The following ATP2A3 variants were observed in gnomAD, a reference collection of about 807,000 sequenced individuals.
ATP2A3 encodes ATPase sarcoplasmic/endoplasmic reticulum Ca2+ transporting 3, also known as sarcoplasmic/endoplasmic reticulum calcium ATPase 3.
ATP2A3 carries 61 observed loss-of-function variants against 106.8 expected under a neutral mutation model. The ratio of observed to expected loss-of-function variants is 0.57; its 90% CI spans 0.46 to 0.71. ATP2A3 has a LOEUF of 0.71. Ranked by LOEUF, ATP2A3 falls within the 30% of genes least tolerant of loss-of-function variation. ATP2A3 has a pLI of 0.00. For missense variants in ATP2A3, 1,201 were observed against 1,423.5 expected (o/e 0.84, Z 2.52); for synonymous variants, 611 against 609.3 (o/e 1.00, Z -0.04).
chr17:3,936,697 T>C lies in ATP2A3; in HGVS notation c.2322-228A>G. 1.7e-6 allele frequency: 1 copy of C among 581,164 alleles called. No homozygotes were observed. Among genetic ancestry groups the C allele is most frequent in the South Asian group, 1.9e-5 (1 of 52,550 alleles). The allele number at this position is 581,164 out of a possible 1,614,324, so 36.0% of individuals were successfully genotyped here. The stretch of plus-strand genomic sequence containing the variant: ...AGCTCTGGATCCTGGACATACCTGC[T>C]CTTTAGGCCTAGCAGAGGCCAAGTA... On this transcript the variant is annotated intron_variant, in intron 15 of 20. Transcript: ENST00000397041. This position sits in a 1 kb window ranked among gnomAD's most constrained non-coding sequence, Gnocchi z 5.4.
rs972925910 is a variant in ATP2A3, at chr17:3,930,623, G to A, written c.2611-189C>T. On this transcript the variant is annotated intron_variant, in intron 17 of 20. Transcript: ENST00000397041. This position sits in a 1 kb window ranked among gnomAD's most constrained non-coding sequence, Gnocchi z 5.4. ...GGGCGGCGGTGGGGAGAGCTGCACC[G>A]TGCCAGGGAGAAGCAAGGGCACAGC... 4.4e-5 allele frequency: 34 copies of A among 769,188 alleles called. No homozygotes were observed. Among genetic ancestry groups the A allele is most frequent in the Middle Eastern group, 3.8e-4 (1 of 2,644 alleles). The allele number at this position is 769,188 out of a possible 1,614,324, so 47.6% of individuals were successfully genotyped here.
intron 3 of ATP2A3, among the ~76,000 whole-genome samples, chr17:3,952,024 T>C (rs1002862430): frequency 1.3e-5 from 2 of 152,004 alleles, no homozygotes; most frequent in African/African-American, 4.8e-5. Flanking sequence ...GATCTTGGGG[T>C]CCCTCCCAGA....
chr17:3,924,689 C>A lies in ATP2A3; in HGVS notation c.*733G>T. ...CCCTGAGTCCAGGAGGCGCGCGGGG[C>A]TGAGGCAGTCCAGCCAGGCTTTCCC... On this transcript the variant is annotated 3_prime_UTR_variant, in exon 21 of 21. Coordinates refer to ENST00000397041, the MANE Select transcript of ATP2A3 (RefSeq NM_005173.4). The surrounding 1 kb of genome is among the most constrained non-coding windows in gnomAD (Gnocchi z 6.4). 1 of 434,330 alleles carries A rather than the reference C, an allele frequency of 2.3e-6. No individual in the cohort carries two copies. The highest frequency in any genetic ancestry group is 2.4e-5 in the Admixed American group (1 of 41,088). 26.9% of individuals were successfully genotyped at this position (434,330 alleles called of 1,614,324 possible).
At position 3,964,331 on chromosome 17, in the gene ATP2A3, G is replaced by A. The variant is rs2055320646; in HGVS notation, c.-40C>T. 3 of 1,109,470 alleles carry A rather than the reference G, an allele frequency of 2.7e-6. No individual in the cohort carries two copies. Among genetic ancestry groups the A allele is most frequent in the Non-Finnish European group, 3.3e-6 (3 of 895,610 alleles). 68.7% of individuals were successfully genotyped at this position (1,109,470 alleles called of 1,614,324 possible). ...CGTCTGCGCCGTCCGCACCGTCGAG[G>A]CCGCCTCTCCGCCGGGGGGCTACAA... On this transcript the variant is annotated 5_prime_UTR_variant, in exon 1 of 21. Transcript: ENST00000397041.
rs1216137492 is a variant in ATP2A3 at position 3,930,823 on chromosome 17, A to T, written c.2611-389T>A. On this transcript the variant is annotated intron_variant, in intron 17 of 20. Transcript: ENST00000397041. The surrounding 1 kb of genome is among the most constrained non-coding windows in gnomAD (Gnocchi z 5.4). ...TTCACCTTTGCGGTATAGAAGATGAAGGCTACGCAGGCCCTGTTCACTGTT... is the reference window on the plus strand; with the variant it reads ...TTCACCTTTGCGGTATAGAAGATGATGGCTACGCAGGCCCTGTTCACTGTT... 2.8e-6 allele frequency: 1 copy of T among 356,392 alleles called. No homozygotes were observed. The highest frequency in any genetic ancestry group is 7.2e-5 in the East Asian group (1 of 13,932). 22.1% of individuals were successfully genotyped at this position (356,392 alleles called of 1,614,324 possible).
chr17:3,927,051 G>A (rs1224902889), intron 20 of ATP2A3: 20 of 985,306 alleles, frequency 2.0e-5, no homozygotes, highest in Non-Finnish European at 2.4e-5. Context: ...CAACATCTGT[G>A]CTCACCCAGC....
chr17:3,943,972 C>T (rs1183109370), intron 10 of ATP2A3, among the ~76,000 whole-genome samples: 5 of 152,188 alleles, frequency 3.3e-5, no homozygotes, highest in Admixed American at 3.3e-4. Flanking sequence ...AGCACAAGAA[C>T]CAGGAGCCCC....
At position 3,950,687 on chromosome 17, in the gene ATP2A3, C is replaced by T. The variant is rs1198169754; in HGVS notation, c.544+6G>A. ...CTAGGTCCCGGCCTCCTGGGGGGGG[C>T]CTCACCCGTCAGGATGGACTGGTCC... On this transcript the variant is annotated splice_donor_region_variant and intron_variant, in intron 6 of 20. Coordinates refer to ENST00000397041, the MANE Select transcript of ATP2A3 (RefSeq NM_005173.4). The T allele has an allele frequency of 6.2e-7, 1 of 1,613,812 alleles. No homozygotes were observed. The highest frequency in any genetic ancestry group is 1.1e-5 in the South Asian group (1 of 91,060).
chr17:3,949,456 C>T (rs916656296), intron 7 of ATP2A3, among the ~76,000 whole-genome samples: 1 of 152,192 alleles, frequency 6.6e-6, no homozygotes, highest in African/African-American at 2.4e-5. Context: ...AATGGAGTAT[C>T]CCCCACCATC....
At chr17:3,951,112 G>T in intron 5 of ATP2A3, 139 bp downstream of exon 5, 1 of 870,408 alleles carries the variant, frequency 1.1e-6, no homozygotes, top group Non-Finnish European at 1.6e-6. Context: ...GCAGGAGGTT[G>T]CAGTGAGCCG....
In ATP2A3 at chr17:3,953,338, C is replaced by T. The variant is rs765223742; in HGVS notation, c.219+9G>A. 6.2e-6 allele frequency: 10 copies of T among 1,613,688 alleles called. No individual in the cohort carries two copies. The Admixed American group carries it at 1.7e-4, about 27-fold the overall frequency. ...ACTACCACAGGATGGCTGGCAGGGCCCTACTTACAAAGGAGACAAGGGCAG... is the reference window on the plus strand; with the variant it reads ...ACTACCACAGGATGGCTGGCAGGGCTCTACTTACAAAGGAGACAAGGGCAG... On this transcript the variant is annotated intron_variant, in intron 3 of 20. Transcript: ENST00000397041. This position sits in a 1 kb window ranked among gnomAD's most constrained non-coding sequence, Gnocchi z 5.1.
intron 3 of ATP2A3, among the ~76,000 whole-genome samples, chr17:3,951,984 A>G (rs2054473958): frequency 1.3e-5 from 2 of 152,122 alleles, no homozygotes; most frequent in Non-Finnish European, 1.5e-5. Context: ...GACCAGCAGC[A>G]GCAGCAGCTG....
intron 14 of ATP2A3, among the ~76,000 whole-genome samples, chr17:3,940,184 G>A (rs1325135974): frequency 6.6e-6 from 1 of 151,626 alleles, no homozygotes; most frequent in East Asian, 1.9e-4. Context: ...ATAAGGCTGT[G>A]AGTTACACAG....
chr17:3,945,271 C>T (rs1374232480), intron 8 of ATP2A3, 123 bp from the exon 9 acceptor site: 7 of 838,794 alleles, frequency 8.3e-6, no homozygotes, highest in South Asian at 3.3e-5. Context: ...CCGGCCTGGC[C>T]GTCCGTGCCC....
intron 12 of ATP2A3, 34 bp downstream of exon 12, chr17:3,942,572 C>T (rs368181827): frequency 1.9e-5 from 31 of 1,602,998 alleles, no homozygotes; most frequent in African/African-American, 1.3e-4. Flanking sequence ...CCCCAGGGCG[C>T]GCAGGGGCCC....
In ATP2A3 at chr17:3,926,993, G is replaced by A. The variant is rs752343709; in HGVS notation, c.2981-1552C>T. The A allele has an allele frequency of 3.2e-4, 316 of 985,336 alleles. No homozygotes were observed. The highest frequency in any genetic ancestry group is 3.7e-4 in the Non-Finnish European group (309 of 829,938). The allele number at this position is 985,336 out of a possible 1,614,324, so 61.0% of individuals were successfully genotyped here. A position where few individuals can be genotyped will look rare whatever the true frequency, so the allele number is the denominator to read the frequency against. On this transcript the variant is annotated intron_variant, in intron 20 of 20. Coordinates refer to ENST00000397041, the MANE Select transcript of ATP2A3 (RefSeq NM_005173.4). This position sits in a 1 kb window ranked among gnomAD's most constrained non-coding sequence, Gnocchi z 4.6. ...CAGGGTCTCTACCTTGGCACTCAAG[G>A]CCCTTGCCCCTGCCGGGCCTCACCC...
In ATP2A3 at chr17:3,928,365, GCA is replaced by G. The variant is rs772118771; in HGVS notation, c.2980+296_2980+297del. On this transcript the variant is annotated intron_variant, in intron 20 of 20. Coordinates refer to ENST00000397041, the MANE Select transcript of ATP2A3 (RefSeq NM_005173.4). This position sits in a 1 kb window ranked among gnomAD's most constrained non-coding sequence, Gnocchi z 6.1. ...GGGTCAGAGGCTGAGGCCCAGAAGA[GCA>G]CACAGTGCCCTGGCCATGTAGGGGG... The G allele has an allele frequency of 3.8e-6, 6 of 1,579,434 alleles. No individual in the cohort carries two copies. The East Asian group carries it at 1.1e-4, about 30-fold the overall frequency.
rs2053402414 is a variant in ATP2A3, at chr17:3,935,653, TCA to T, written c.2525-378_2525-377del. ...CCTGGGTTCAAGCGATTCTCCTGCC[TCA>T]GTCTCCCGAGTAGGTGGGATTACAG... On this transcript the variant is annotated intron_variant, in intron 16 of 20. Transcript: ENST00000397041. Among the ~76,000 whole-genome samples, 3 of 150,644 alleles carry T rather than the reference TCA, an allele frequency of 2.0e-5. No individual in the cohort carries two copies. The South Asian group carries it at 6.3e-4, about 32-fold the overall frequency.
At chr17:3,943,325 C>G in intron 11 of ATP2A3, 66 bp downstream of exon 11, 1 of 1,603,948 alleles carries the variant, frequency 6.2e-7, no homozygotes, top group Non-Finnish European at 8.5e-7. Context: ...GTCCTGTCTG[C>G]CTTCTCCAGA....
Sources: allele counts gnomAD v4.1 joint callset (sites outside exome capture counted in the v4.1 genomes callset), GRCh38; gene constraint gnomAD v4.1.1; non-coding constraint Gnocchi (gnomAD v3.1); transcripts MANE v1.5; gene names NCBI Gene and HGNC (gene_info 2026-07-23, HGNC 2026-07-21).